The following RAP1GAP2 variants were observed in gnomAD, a reference collection of about 807,000 sequenced individuals.
RAP1GAP2 encodes the protein RAP1 GTPase activating protein 2, also known as rap1 GTPase-activating protein 2.
Under a neutral mutation model 95.0 loss-of-function variants are expected in RAP1GAP2, and 27 were observed. The ratio of observed to expected loss-of-function variants is 0.28; its 90% CI spans 0.21 to 0.39. RAP1GAP2 has a LOEUF of 0.39. Ranked by LOEUF, RAP1GAP2 falls within the 10% of genes least tolerant of loss-of-function variation. The probability of loss-of-function intolerance (pLI) is 1.00; values close to 1 mark genes in which losing one functional copy is unlikely to be tolerated. For synonymous variants in RAP1GAP2, 373 were observed against 380.9 expected, an observed-to-expected ratio of 0.98 and a Z score of 0.24; for missense variants, 771 against 970.0, an observed-to-expected ratio of 0.79 and a Z score of 2.72.
chr17:2,911,365 G>C (rs1211261803), intron 3 of RAP1GAP2, among the ~76,000 whole-genome samples: 1 of 151,808 alleles, frequency 6.6e-6, no homozygotes, highest in Non-Finnish European at 1.5e-5. Context: ...AAACTGGCTG[G>C]TGCCGGGTGG....
chr17:3,036,076 T>C lies in RAP1GAP2; in HGVS notation c.*2715T>C, dbSNP rs1016270311. On this transcript the variant is annotated 3_prime_UTR_variant, in exon 25 of 25. Coordinates refer to ENST00000254695, the MANE Select transcript of RAP1GAP2 (RefSeq NM_015085.5). ...GGTCACCCATATGCCTCCAGCTCAG[T>C]TGACGCTTAAAAACAGGTGCAGAAA... 1 of 152,264 alleles carries C rather than the reference T, an allele frequency of 6.6e-6. No individual in the cohort carries two copies. Among genetic ancestry groups the C allele is most frequent in the Non-Finnish European group, 1.5e-5 (1 of 68,048 alleles). 9.4% of individuals were successfully genotyped at this position (152,264 alleles called of 1,614,324 possible).
At chr17:3,011,915 C>G (rs2151623891) in intron 17 of RAP1GAP2, among the ~76,000 whole-genome samples, 1 of 152,160 alleles carries the variant, frequency 6.6e-6, no homozygotes, top group South Asian at 2.1e-4. Flanking sequence ...CGCCCGGCCT[C>G]CTTCCTGTCA....
intron 2 of RAP1GAP2, among the ~76,000 whole-genome samples, chr17:2,805,745 G>C (rs2069487869): frequency 8.6e-6 from 1 of 116,042 alleles, no homozygotes; most frequent in Non-Finnish European, 1.9e-5. Context: ...TAAAGAAAGA[G>C]ATGCGTGTAT....
intron 1 of RAP1GAP2, among the ~76,000 whole-genome samples, chr17:2,763,179 C>G (rs2068215174): frequency 6.6e-6 from 1 of 152,156 alleles, no homozygotes; most frequent in Non-Finnish European, 1.5e-5. Flanking sequence ...AAGTTGGACT[C>G]GTTAGTGGGG....
intron 2 of RAP1GAP2, among the ~76,000 whole-genome samples, chr17:2,818,912 A>G (rs750883188): frequency 3.9e-5 from 6 of 152,118 alleles, no homozygotes; most frequent in Non-Finnish European, 8.8e-5. Flanking sequence ...AGACTGAGTA[A>G]GTTTATACAT....
At chr17:2,994,905 C>T (rs2045901130) in intron 12 of RAP1GAP2, among the ~76,000 whole-genome samples, 3 of 152,180 alleles carry the variant, frequency 2.0e-5, no homozygotes, top group Admixed American at 2.0e-4. Context: ...CCTCCACCTC[C>T]TGGGTTCAAG....
chr17:2,841,465 G>A (rs964445698), intron 2 of RAP1GAP2, among the ~76,000 whole-genome samples: 3 of 151,580 alleles, frequency 2.0e-5, no homozygotes, highest in African/African-American at 4.8e-5. Context: ...CACCACACGC[G>A]GCTAATTTTT....
intron 3 of RAP1GAP2, among the ~76,000 whole-genome samples, chr17:2,907,818 A>G (rs2042247231): frequency 6.6e-6 from 1 of 151,780 alleles, no homozygotes; most frequent in Admixed American, 6.6e-5. Context: ...CAGCTTTTTT[A>G]TTTTTTTGAG....
chr17:2,892,029 G>A (rs2073743514), intron 2 of RAP1GAP2, among the ~76,000 whole-genome samples: 1 of 151,790 alleles, frequency 6.6e-6, no homozygotes, highest in African/African-American at 2.4e-5. Flanking sequence ...TCACTATGTT[G>A]GCCAGGCTGG....
chr17:2,963,014 C>T lies in RAP1GAP2; in HGVS notation c.246+300C>T. 2 of 531,530 alleles carry T rather than the reference C, an allele frequency of 3.8e-6. No individual in the cohort carries two copies. The highest frequency in any genetic ancestry group is 6.7e-6 in the Non-Finnish European group (2 of 300,400). The allele number at this position is 531,530 out of a possible 1,614,324, so 32.9% of individuals were successfully genotyped here. ...TACCCTGTGCAGTGTGTAAGGGTGT[C>T]AGGCTCTGTGCCCCGGGTTCCAGTG... On this transcript the variant is annotated intron_variant, in intron 5 of 24. Coordinates refer to ENST00000254695, the MANE Select transcript of RAP1GAP2 (RefSeq NM_015085.5). The surrounding 1 kb of genome is among the most constrained non-coding windows in gnomAD (Gnocchi z 4.8).
intron 2 of RAP1GAP2, among the ~76,000 whole-genome samples, chr17:2,844,176 A>G (rs977895631): frequency 6.6e-6 from 1 of 151,884 alleles, no homozygotes; most frequent in Non-Finnish European, 1.5e-5. Context: ...GCCCGCCACC[A>G]TGCCTGGCTA....
intron 3 of RAP1GAP2, among the ~76,000 whole-genome samples, chr17:2,910,049 C>G (rs1375487616): frequency 2.0e-5 from 3 of 152,232 alleles, no homozygotes; most frequent in African/African-American, 4.8e-5. Flanking sequence ...TCACCTTACA[C>G]CAGCCTGCTC....
At chr17:2,982,549 G>A (rs543704601) in intron 10 of RAP1GAP2, among the ~76,000 whole-genome samples, 8 of 152,158 alleles carry the variant, frequency 5.3e-5, no homozygotes, top group Non-Finnish European at 1.2e-4. Context: ...AGAGCCTTTC[G>A]TCTTCCACGT....
intron 2 of RAP1GAP2, among the ~76,000 whole-genome samples, chr17:2,803,233 T>C (rs975571756): frequency 1.3e-5 from 2 of 152,196 alleles, no homozygotes; most frequent in East Asian, 3.8e-4. Context: ...CTCTGAGTGA[T>C]TATCTGGGAA....
intron 4 of RAP1GAP2, among the ~76,000 whole-genome samples, chr17:2,960,836 T>C (rs1255100556): frequency 1.3e-5 from 2 of 152,232 alleles, no homozygotes; most frequent in African/African-American, 2.4e-5. Flanking sequence ...CGTCTCATAC[T>C]GTCACCCGAT....
At chr17:2,771,007 A>G (rs530958875) in intron 2 of RAP1GAP2, among the ~76,000 whole-genome samples, 2 of 152,308 alleles carry the variant, frequency 1.3e-5, no homozygotes, top group South Asian at 4.1e-4. Context: ...CAGTTGAACC[A>G]CTGCACTCCA....
intron 2 of RAP1GAP2, among the ~76,000 whole-genome samples, chr17:2,889,732 GAGTGC>G (rs1369769379): frequency 2.1e-5 from 3 of 145,768 alleles, no homozygotes; most frequent in African/African-American, 7.6e-5. Flanking sequence ...GCCCAGGCTG[GAGTGC>G]AGTGGCACGA....
intron 2 of RAP1GAP2, among the ~76,000 whole-genome samples, chr17:2,892,742 A>G (rs2073764525): frequency 6.6e-6 from 1 of 152,090 alleles, no homozygotes; most frequent in South Asian, 2.1e-4. Context: ...CTCATTCCTG[A>G]AAGTGAGGTA....
chr17:2,963,595 T>G lies in RAP1GAP2; in HGVS notation c.279+133T>G. ...TGGGCCTGGGACCTCTCTTCCTGTCTTTGCCTTTGTAACCTCAGCTTCTCC... is the reference window on the plus strand; with the variant it reads ...TGGGCCTGGGACCTCTCTTCCTGTCGTTGCCTTTGTAACCTCAGCTTCTCC... On this transcript the variant is annotated intron_variant, in intron 6 of 24. Transcript: ENST00000254695. The surrounding 1 kb of genome is among the most constrained non-coding windows in gnomAD (Gnocchi z 4.8). The G allele has an allele frequency of 1.6e-6, 2 of 1,235,562 alleles. No homozygotes were observed. Among genetic ancestry groups the G allele is most frequent in the South Asian group, 2.6e-5 (2 of 77,888 alleles). 76.5% of individuals were successfully genotyped at this position (1,235,562 alleles called of 1,614,324 possible).
Sources: allele counts gnomAD v4.1 joint callset (sites outside exome capture counted in the v4.1 genomes callset), GRCh38; gene constraint gnomAD v4.1.1; non-coding constraint Gnocchi (gnomAD v3.1); transcripts MANE v1.5; gene names NCBI Gene and HGNC (gene_info 2026-07-23, HGNC 2026-07-21).